The following B3GALT1 variants were observed in gnomAD, a reference collection of about 807,000 sequenced individuals.
The protein encoded by B3GALT1 is UDP-Gal:betaGlcNAc beta 1,3-galactosyltransferase, polypeptide 1.
In B3GALT1, 10 loss-of-function variants were observed where a neutral mutation model predicts 23.2. That is an observed-to-expected ratio of 0.43 (90% confidence interval 0.27 to 0.73). B3GALT1 has a LOEUF of 0.73. Among genes scored for constraint, B3GALT1 ranks in the 30% least tolerant of loss-of-function variants. B3GALT1 has a pLI of 0.21. For missense variants in B3GALT1, 299 were observed against 405.4 expected, an observed-to-expected ratio of 0.74 and a Z score of 2.25; for synonymous variants, 156 against 141.5, an observed-to-expected ratio of 1.10 and a Z score of -0.73.
intron 3 of B3GALT1, among the ~76,000 whole-genome samples, chr2:167,806,407 A>G (rs937384574): frequency 1.3e-5 from 2 of 152,180 alleles, no homozygotes; most frequent in Non-Finnish European, 2.9e-5. Context: ...GCCTTGTGCC[A>G]GTTTTCAAAG....
chr2:167,563,903 G>GGT (rs1412205864), intron 2 of B3GALT1, among the ~76,000 whole-genome samples: 1 of 122,980 alleles, frequency 8.1e-6, no homozygotes, highest in African/African-American at 3.6e-5. Context: ...GGCCGGGCGG[G>GGT]GCCGATCCCC....
chr2:167,812,757 C>G (rs1688914098), intron 3 of B3GALT1, among the ~76,000 whole-genome samples: 1 of 152,056 alleles, frequency 6.6e-6, no homozygotes. Context: ...AGTTTAAAAT[C>G]AGGAAAAATA....
chr2:167,666,133 G>A (rs1053208881), intron 3 of B3GALT1, among the ~76,000 whole-genome samples: 1 of 152,170 alleles, frequency 6.6e-6, no homozygotes, highest in African/African-American at 2.4e-5. Context: ...GCATCCCAGA[G>A]ATTCTGGTAT....
intron 3 of B3GALT1, among the ~76,000 whole-genome samples, chr2:167,758,080 A>G (rs1687844679): frequency 6.6e-6 from 1 of 152,212 alleles, no homozygotes; most frequent in Non-Finnish European, 1.5e-5. Context: ...TGGGAGTAGC[A>G]TTATAATAGG....
intron 1 of B3GALT1, among the ~76,000 whole-genome samples, chr2:167,425,929 A>G (rs114674666): frequency 1.2e-3 from 180 of 152,338 alleles, no homozygotes; most frequent in Non-Finnish European, 2.2e-3. Flanking sequence ...ATCAGGCATA[A>G]TATACCATTT....
chr2:167,784,681 G>A (rs1404502484), intron 3 of B3GALT1, among the ~76,000 whole-genome samples: 2 of 152,138 alleles, frequency 1.3e-5, no homozygotes, highest in African/African-American at 4.8e-5. Context: ...AAAGTCTGTG[G>A]CAATGAAAAT....
chr2:167,441,968 T>C (rs1456922681), intron 1 of B3GALT1, among the ~76,000 whole-genome samples: 4 of 151,970 alleles, frequency 2.6e-5, no homozygotes, highest in African/African-American at 7.3e-5. Flanking sequence ...CATGCTGGTG[T>C]GCTGCACCCA....
At chr2:167,365,851 C>G (rs915568000) in intron 1 of B3GALT1, among the ~76,000 whole-genome samples, 1 of 152,112 alleles carries the variant, frequency 6.6e-6, no homozygotes, top group Non-Finnish European at 1.5e-5. Flanking sequence ...TATAGTACCT[C>G]TAACAAGTAC....
At chr2:167,617,121 C>A (rs1293395553) in intron 2 of B3GALT1, among the ~76,000 whole-genome samples, 1 of 152,032 alleles carries the variant, frequency 6.6e-6, no homozygotes, top group East Asian at 1.9e-4. Flanking sequence ...TTTCCTATGT[C>A]CCACCCTCCA....
chr2:167,682,377 G>C (rs529092035), intron 3 of B3GALT1, among the ~76,000 whole-genome samples: 2 of 152,006 alleles, frequency 1.3e-5, no homozygotes, highest in Non-Finnish European at 2.9e-5. Flanking sequence ...CTCTCATCTC[G>C]TAATTTCTGC....
intron 4 of B3GALT1, among the ~76,000 whole-genome samples, chr2:167,843,140 C>CA: frequency 6.6e-6 from 1 of 152,214 alleles, no homozygotes; most frequent in East Asian, 1.9e-4. Context: ...AAATTACTGA[C>CA]AAAATTAAAA....
chr2:167,372,881 T>C (rs73019786), intron 1 of B3GALT1, among the ~76,000 whole-genome samples: 2,615 of 152,180 alleles, frequency 0.017, 80 homozygotes, highest in African/African-American at 0.06. Context: ...TTGTTATTGT[T>C]AAAATGTCAG....
At chr2:167,606,359 A>G (rs1574164118) in intron 2 of B3GALT1, among the ~76,000 whole-genome samples, 1 of 152,244 alleles carries the variant, frequency 6.6e-6, no homozygotes, top group Non-Finnish European at 1.5e-5. Flanking sequence ...ATTGAACTAT[A>G]AAATATGCAT....
intron 3 of B3GALT1, among the ~76,000 whole-genome samples, chr2:167,677,572 A>C (rs1422318350): frequency 6.6e-6 from 1 of 152,178 alleles, no homozygotes; most frequent in Non-Finnish European, 1.5e-5. Flanking sequence ...CTGTGATCCC[A>C]GAACCCCTCA....
At chr2:167,350,410 CTTT>C (rs201241201) in intron 1 of B3GALT1, among the ~76,000 whole-genome samples, 1 of 152,118 alleles carries the variant, frequency 6.6e-6, no homozygotes, top group Admixed American at 6.5e-5. Flanking sequence ...TGTTTGTAGT[CTTT>C]TAAGAAAAAT....
At chr2:167,727,145 C>A (rs919781547) in intron 3 of B3GALT1, among the ~76,000 whole-genome samples, 10 of 150,994 alleles carry the variant, frequency 6.6e-5, no homozygotes, top group Non-Finnish European at 1.0e-4. Flanking sequence ...GTCACAGAGC[C>A]CCGTAGCCAA....
intron 2 of B3GALT1, among the ~76,000 whole-genome samples, chr2:167,491,115 C>A (rs1468018589): frequency 2.6e-5 from 4 of 152,090 alleles, no homozygotes; most frequent in African/African-American, 9.7e-5. Flanking sequence ...TAGGTGTGTA[C>A]TTTTAGGCCT....
chr2:167,724,141 T>A (rs1333824729), intron 3 of B3GALT1, among the ~76,000 whole-genome samples: 7 of 152,224 alleles, frequency 4.6e-5, no homozygotes, highest in Non-Finnish European at 1.0e-4. Context: ...CAACCATGCC[T>A]GGTTGTGCAA....
rs1008971141 is a variant in B3GALT1 at position 167,366,005 on chromosome 2, G to A, written c.-511+72671G>A. On this transcript the variant is annotated intron_variant, in intron 1 of 4. Transcript: ENST00000392690. Reference sequence around the variant, plus strand: ...TTGTCTAACATTTTGGAAGACATCAGAATGAAGGCAGCAGAATTGCTTGCA... The same window carrying A: ...TTGTCTAACATTTTGGAAGACATCAAAATGAAGGCAGCAGAATTGCTTGCA... Among the ~76,000 whole-genome samples, 7 of 152,306 alleles carry A rather than the reference G, an allele frequency of 4.6e-5. No individual in the cohort carries two copies. In the South Asian group the frequency reaches 8.3e-4, roughly 18 times the overall value.
Sources: allele counts gnomAD v4.1 joint callset (sites outside exome capture counted in the v4.1 genomes callset), GRCh38; gene constraint gnomAD v4.1.1; transcripts MANE v1.5; gene names NCBI Gene and HGNC (gene_info 2026-07-23, HGNC 2026-07-21).